IFT172: variants seen among roughly 807,000 people sequenced by gnomAD.
IFT172 encodes the protein intraflagellar transport 172, also known as intraflagellar transport protein 172 homolog.
In IFT172, 164 loss-of-function variants were observed where a neutral mutation model predicts 248.9. The observed-to-expected ratio is 0.66, with a 90% CI of 0.58 to 0.75. IFT172 has a LOEUF of 0.75. Among genes scored for constraint, IFT172 ranks in the 30% least tolerant of loss-of-function variants. The pLI, the probability that IFT172 is intolerant of heterozygous loss-of-function variation, is 0.00. For missense variants in IFT172, 1,950 were observed against 2,192.4 expected, an observed-to-expected ratio of 0.89 and a Z score of 2.21; for synonymous variants, 729 against 791.6, an observed-to-expected ratio of 0.92 and a Z score of 1.33.
intron 10 of IFT172, among the ~76,000 whole-genome samples, chr2:27,479,203 C>T (rs2148546098): frequency 6.6e-6 from 1 of 152,238 alleles, no homozygotes; most frequent in South Asian, 2.1e-4. Context: ...GACGGGGTTT[C>T]ACCATATTAG....
At chr2:27,461,620 C>A in intron 21 of IFT172, 103 bp from the exon 22 acceptor site, 1 of 1,505,734 alleles carries the variant, frequency 6.6e-7, no homozygotes. Context: ...CCTCCTGGGT[C>A]AGCAGTATCC....
chr2:27,462,829 G>T (rs777450861), intron 19 of IFT172, 36 bp from the exon 20 acceptor site: 2 of 1,594,750 alleles, frequency 1.3e-6, no homozygotes, highest in Admixed American at 3.3e-5. Flanking sequence ...TTTTTCTGTA[G>T]GTGCTGCCAT....
At chr2:27,446,458 T>C in intron 42 of IFT172, 103 bp from the exon 43 acceptor site, 1 of 961,732 alleles carries the variant, frequency 1.0e-6, no homozygotes, top group South Asian at 1.4e-5. Context: ...CAACAATTAT[T>C]ATTAAACTGC....
Position 27,465,525 on chromosome 2 carries a change from A to G in IFT172, c.1830-7T>C, listed in dbSNP as rs560062416. ...CTCTAAGAAGGCTGTTGCCCTGGAA[A>G]GGGAAGGAAGCAAAGCATAATGAAT... is the stretch of plus-strand genomic sequence containing the variant. On this transcript the variant is annotated splice_region_variant and splice_polypyrimidine_tract_variant and intron_variant, in intron 17 of 47. Coordinates refer to ENST00000260570, the MANE Select transcript of IFT172 (RefSeq NM_015662.3). 3 of 1,613,322 alleles carry G rather than the reference A, an allele frequency of 1.9e-6. No homozygotes were observed. The highest frequency in any genetic ancestry group is 2.7e-5 in the African/African-American group (2 of 74,984).
chr2:27,455,434 C>T (rs963278144), intron 30 of IFT172: 11 of 240,788 alleles, frequency 4.6e-5, no homozygotes, highest in Admixed American at 2.7e-4. Context: ...ATATGCCGGG[C>T]GCGGTGGCTC....
At position 27,483,895 on chromosome 2, in the gene IFT172, CAAT is replaced by C. The variant is rs1668563325; in HGVS notation, c.376_378del (p.Ile126del). 1 of 1,613,864 alleles carries C rather than the reference CAAT, an allele frequency of 6.2e-7. No individual in the cohort carries two copies. Among genetic ancestry groups the C allele is most frequent in the Non-Finnish European group, 8.5e-7 (1 of 1,179,870 alleles). On this transcript the variant is annotated inframe_deletion, in exon 5 of 48. Coordinates refer to ENST00000260570, the MANE Select transcript of IFT172 (RefSeq NM_015662.3). ...ACCTTCCCTTCAGCCAGTCCAAAGACAATGATGTATTCTGCCGGCCATTGCAGA... is the reference window on the plus strand; with the variant it reads ...ACCTTCCCTTCAGCCAGTCCAAAGACGATGTATTCTGCCGGCCATTGCAGA...
At position 27,476,722 on chromosome 2, in the gene IFT172, G is replaced by C. The variant is rs1038040281; in HGVS notation, c.1330C>G (p.Arg444Gly). ...CCTCGCTGACACCTCTCATTAATAC[G>C]AACACTGAAACATGAAGGGTGAGGT... ...EFMNPHLISV[R>G]INERCQRGTE... is the part of the protein sequence containing the mutation. The change falls in exon 14 of 48, where the codon CGT becomes GGT. Residue 444 changes from arginine (R) to glycine (G), a missense_variant. Arg to Gly is a moderately radical substitution (Grantham distance 125). Around this residue, in one of 3 missense-constraint regions of IFT172, gnomAD observed 1,166 missense variants for 1,254.1 expected, o/e 0.93. Coordinates refer to ENST00000260570, the MANE Select transcript of IFT172 (RefSeq NM_015662.3). The C allele has an allele frequency of 6.2e-7, 1 of 1,610,658 alleles. No homozygotes were observed.
In IFT172 at chr2:27,449,513, C is replaced by T. The variant is rs763238244; in HGVS notation, c.4210G>A (p.Gly1404Ser). Residue 1404 changes from glycine (G) to serine (S), a missense_variant, in exon 38 of 48, where the codon GGC becomes AGC. By Grantham distance (56) the Gly-to-Ser change is moderately conservative. Transcript: ENST00000260570. ...CCAAGTCTCACCGAGTCCACTTTGC[C>T]CTGATTCTTGAGGAACTCTTTATAA... Reference protein sequence around the residue: ...QHYKEFLKNQGKVDSLVGVDV... With the variant: ...QHYKEFLKNQSKVDSLVGVDV... 20 of 1,614,056 alleles carry T rather than the reference C, an allele frequency of 1.2e-5. No homozygotes were observed. The Admixed American group carries it at 2.0e-4, about 16-fold the overall frequency.
chr2:27,464,712 G>A (rs751763498), intron 18 of IFT172, among the ~76,000 whole-genome samples: 4 of 151,926 alleles, frequency 2.6e-5, no homozygotes, highest in Admixed American at 2.6e-4. Flanking sequence ...TTGCCTCCCG[G>A]GTTCAAGTGA....
chr2:27,479,444 G>A, intron 10 of IFT172, 65 bp downstream of exon 10: 1 of 904,364 alleles, frequency 1.1e-6, no homozygotes, highest in East Asian at 2.4e-5. Flanking sequence ...CAGAAGGCAG[G>A]GAAATGTTAT....
At chr2:27,444,597 G>A in intron 47 of IFT172, 76 bp from the exon 48 acceptor site, 1 of 1,138,256 alleles carries the variant, frequency 8.8e-7, no homozygotes, top group Admixed American at 1.9e-5. Context: ...GCAGGCTTCA[G>A]GGTCTGCATC....
At chr2:27,450,407 C>A (rs1665549737) in intron 35 of IFT172, among the ~76,000 whole-genome samples, 1 of 152,116 alleles carries the variant, frequency 6.6e-6, no homozygotes, top group African/African-American at 2.4e-5. Context: ...TAAGTAAAAT[C>A]TTCGTAGCAG....
chr2:27,461,880 G>A, intron 20 of IFT172, 44 bp from the exon 21 acceptor site: 1 of 1,610,062 alleles, frequency 6.2e-7, no homozygotes, highest in South Asian at 1.1e-5. Flanking sequence ...AGAAAGATAT[G>A]AGGATCAGAA....
At chr2:27,462,987 G>T in intron 19 of IFT172, 110 bp downstream of exon 19, 1 of 1,287,610 alleles carries the variant, frequency 7.8e-7, no homozygotes, top group Non-Finnish European at 1.1e-6. Context: ...GGTGGGGTGG[G>T]CAGGGTAAAG....
intron 7 of IFT172, among the ~76,000 whole-genome samples, chr2:27,482,071 C>T (rs1668420448): frequency 6.6e-6 from 1 of 151,782 alleles, no homozygotes; most frequent in African/African-American, 2.4e-5. Context: ...GCAACCTCCC[C>T]TCCCGGGTTC....
At chr2:27,446,019 G>C in intron 43 of IFT172, 31 bp from the exon 44 acceptor site, 2 of 1,613,390 alleles carry the variant, frequency 1.2e-6, no homozygotes, top group African/African-American at 1.3e-5. Flanking sequence ...AAATGGGAGT[G>C]AACAAGCTGG....
chr2:27,456,360 G>A, intron 30 of IFT172, 151 bp downstream of exon 30: 1 of 1,039,918 alleles, frequency 9.6e-7, no homozygotes, highest in South Asian at 1.7e-5. Flanking sequence ...ACACTGTTCT[G>A]AGCCCCTAGG....
chr2:27,470,984 GA>G lies in IFT172; in HGVS notation c.1635del (p.Leu546CysfsTer23). On this transcript the variant is annotated frameshift_variant, in exon 16 of 48. Coordinates refer to ENST00000260570, the MANE Select transcript of IFT172 (RefSeq NM_015662.3). LOFTEE classifies it high-confidence loss of function. ...SDVLVAQNRN[S>X]LCVWYNIEAP... Reference sequence around the variant, plus strand: ...GCCTCAATGTTGTACCATACACACAGACTGTTTCGGTTCTGAGCTACCAGCA... The same window carrying G: ...GCCTCAATGTTGTACCATACACACAGCTGTTTCGGTTCTGAGCTACCAGCA... 1 of 1,613,900 alleles carries G rather than the reference GA, an allele frequency of 6.2e-7. No homozygotes were observed. The highest frequency in any genetic ancestry group is 8.5e-7 in the Non-Finnish European group (1 of 1,179,966).
At chr2:27,489,292 T>C (rs1668990417) in intron 1 of IFT172, among the ~76,000 whole-genome samples, 1 of 152,196 alleles carries the variant, frequency 6.6e-6, no homozygotes, top group Non-Finnish European at 1.5e-5. Flanking sequence ...GGCACATGCA[T>C]ACTCGCTGCT....
Sources: gnomAD v4.1 joint callset for allele counts (sites outside exome capture counted in the v4.1 genomes callset) on GRCh38, gnomAD v4.1.1 for gene constraint, gnomAD v4.1.1 regional missense constraint, MANE v1.5 for transcripts, NCBI Gene and HGNC (gene_info 2026-07-23, HGNC 2026-07-21) for gene names.